Variants in MTMR7 observed in about 807,000 individuals in gnomAD.
MTMR7 encodes phosphatidylinositol-3-phosphate phosphatase MTMR7.
Under a neutral mutation model 81.2 loss-of-function variants are expected in MTMR7, and 76 were observed. That is an observed-to-expected ratio of 0.94 (90% CI 0.78 to 1.13). MTMR7 has a LOEUF of 1.13. MTMR7 is among the 50% of genes most tolerant of loss of function. The pLI is 0.00. For synonymous variants in MTMR7, 372 were observed against 289.8 expected, an observed-to-expected ratio of 1.28 and a Z score of -2.88; for missense variants, 1,044 against 820.0, an observed-to-expected ratio of 1.27 and a Z score of -3.34.
intron 13 of MTMR7, among the ~76,000 whole-genome samples, chr8:17,300,879 AT>A (rs1388553935): frequency 6.6e-6 from 1 of 152,182 alleles, no homozygotes; most frequent in Non-Finnish European, 1.5e-5. Flanking sequence ...CAACATGTGG[AT>A]TTTTGTATCT....
intron 1 of MTMR7, among the ~76,000 whole-genome samples, chr8:17,395,590 C>G (rs1461448556): frequency 1.3e-5 from 2 of 152,134 alleles, no homozygotes; most frequent in African/African-American, 4.8e-5. Flanking sequence ...TTGTTGTTTT[C>G]TTTCTTTCTT....
Position 17,409,365 on chromosome 8 carries a change from C to T in MTMR7, c.24+3904G>A, listed in dbSNP as rs1308715405. On this transcript the variant is annotated intron_variant, in intron 1 of 13. Coordinates refer to ENST00000180173, the MANE Select transcript of MTMR7 (RefSeq NM_004686.5). The stretch of plus-strand genomic sequence containing the variant: ...GCCCCAGCTACTCGGGAGGCTGAGG[C>T]AGGAGAATCACCTGAACCCAGGAGA... 3.3e-5 allele frequency among the ~76,000 whole-genome samples: 5 copies of T among 152,184 alleles called. No homozygotes were observed. In the East Asian group the frequency reaches 9.7e-4, roughly 29 times the overall value.
At chr8:17,388,912 C>A (rs1821023956) in intron 1 of MTMR7, among the ~76,000 whole-genome samples, 1 of 152,234 alleles carries the variant, frequency 6.6e-6, no homozygotes, top group Non-Finnish European at 1.5e-5. Context: ...ATAATTGGCA[C>A]CATATTTTTC....
At chr8:17,367,737 T>C (rs1820272631) in intron 3 of MTMR7, among the ~76,000 whole-genome samples, 1 of 152,202 alleles carries the variant, frequency 6.6e-6, no homozygotes, top group Admixed American at 6.5e-5. Context: ...GCAGAATGTC[T>C]GAAGCAATTT....
chr8:17,371,145 A>T lies in MTMR7; in HGVS notation c.202T>A (p.Cys68Ser). The T allele has an allele frequency of 1.2e-6, 2 of 1,614,234 alleles. No individual in the cohort carries two copies. The highest frequency in any genetic ancestry group is 1.7e-6 in the Non-Finnish European group (2 of 1,180,044). The change falls in exon 3 of 14, where the codon TGC becomes AGC. Residue 68 changes from cysteine to serine, a missense_variant. Coordinates refer to ENST00000180173, the MANE Select transcript of MTMR7 (RefSeq NM_004686.5). ...IEKQATTATG[C>S]PLLIRCKNFQ... ...TTCTTGCAGCGAATCAGCAGAGGGC[A>T]TCCGGTAGCGGTTGTTGCCTGTTTC...
At chr8:17,327,638 T>C (rs1307180671) in intron 7 of MTMR7, among the ~76,000 whole-genome samples, 2 of 119,718 alleles carry the variant, frequency 1.7e-5, no homozygotes, top group African/African-American at 1.1e-4. Flanking sequence ...GGAAGAAACC[T>C]GGTAAAAAAA....
chr8:17,372,946 C>T (rs1013637881), intron 2 of MTMR7, 172 bp downstream of exon 2: 2 of 659,514 alleles, frequency 3.0e-6, no homozygotes, highest in Admixed American at 3.2e-5. Context: ...AATAGTCGAT[C>T]AAGTAGATAC....
At chr8:17,378,964 A>G (rs1820676877) in intron 1 of MTMR7, among the ~76,000 whole-genome samples, 1 of 152,230 alleles carries the variant, frequency 6.6e-6, no homozygotes, top group African/African-American at 2.4e-5. Flanking sequence ...CAGAGTGAGA[A>G]GAGATCTGAG....
intron 3 of MTMR7, 145 bp from the exon 4 acceptor site, chr8:17,361,419 G>C (rs2150557343): frequency 1.2e-6 from 1 of 801,396 alleles, no homozygotes; most frequent in East Asian, 2.6e-5. Flanking sequence ...TAACCTGTGT[G>C]CAGTGGATAG....
At chr8:17,382,428 G>C (rs1214343783) in intron 1 of MTMR7, among the ~76,000 whole-genome samples, 1 of 152,162 alleles carries the variant, frequency 6.6e-6, no homozygotes, top group East Asian at 1.9e-4. Flanking sequence ...AGAGCACTTG[G>C]TAACATTTCC....
chr8:17,336,758 T>C (rs181572209), intron 6 of MTMR7, among the ~76,000 whole-genome samples: 1 of 152,150 alleles, frequency 6.6e-6, no homozygotes, highest in Non-Finnish European at 1.5e-5. Context: ...CCCCCTCCGC[T>C]GGCCCTGGCT....
chr8:17,408,497 G>C (rs1398076126), intron 1 of MTMR7, among the ~76,000 whole-genome samples: 1 of 151,958 alleles, frequency 6.6e-6, no homozygotes, highest in East Asian at 1.9e-4. Flanking sequence ...CGTGATGAAG[G>C]ACAAACTTAT....
chr8:17,400,737 C>T (rs538861788), intron 1 of MTMR7, among the ~76,000 whole-genome samples: 2 of 151,620 alleles, frequency 1.3e-5, no homozygotes, highest in African/African-American at 2.4e-5. Flanking sequence ...TAATCAAATA[C>T]GCTCTTACTC....
chr8:17,331,361 T>C, intron 6 of MTMR7, 79 bp from the exon 7 acceptor site: 1 of 1,418,964 alleles, frequency 7.0e-7, no homozygotes, highest in Non-Finnish European at 9.4e-7. Flanking sequence ...ATTTCATGGA[T>C]ACCCAATCAA....
intron 4 of MTMR7, among the ~76,000 whole-genome samples, chr8:17,359,584 T>TAAAA (rs11400421): frequency 0.026 from 3,523 of 135,538 alleles, 167 homozygotes; most frequent in African/African-American, 0.093. Context: ...CCTGTTTCCT[T>TAAAA]AAAAAAAAAA....
intron 1 of MTMR7, among the ~76,000 whole-genome samples, chr8:17,394,862 CAGTA>C (rs1275329359): frequency 3.9e-5 from 6 of 152,090 alleles, no homozygotes; most frequent in Admixed American, 2.6e-4. Flanking sequence ...TTCATTCAGT[CAGTA>C]AGTATTTACT....
chr8:17,334,970 G>A (rs1473693972), intron 6 of MTMR7, among the ~76,000 whole-genome samples: 2 of 152,206 alleles, frequency 1.3e-5, no homozygotes, highest in Non-Finnish European at 2.9e-5. Flanking sequence ...GAAGGTTCCT[G>A]TGTGGCAGCT....
At chr8:17,399,478 G>C (rs1190029581) in intron 1 of MTMR7, among the ~76,000 whole-genome samples, 2 of 152,110 alleles carry the variant, frequency 1.3e-5, no homozygotes, top group East Asian at 3.8e-4. Context: ...AGAAATTAAA[G>C]AGGACACACA....
At chr8:17,337,557 T>G (rs917101818) in intron 6 of MTMR7, among the ~76,000 whole-genome samples, 19 of 151,572 alleles carry the variant, frequency 1.3e-4, no homozygotes, top group African/African-American at 4.6e-4. Context: ...AAGAGTATAA[T>G]TTTTTTTTGG....
Sources: allele counts gnomAD v4.1 joint callset (sites outside exome capture counted in the v4.1 genomes callset), GRCh38; gene constraint gnomAD v4.1.1; transcripts MANE v1.5; gene names NCBI Gene and HGNC (gene_info 2026-07-23, HGNC 2026-07-21).